Variants in NRIP1 observed in about 807,000 individuals in gnomAD.
NRIP1 encodes nuclear receptor-interacting protein 1.
NRIP1 carries 28 observed loss-of-function variants against 75.0 expected under a neutral mutation model. The observed-to-expected ratio is 0.37, with a 90% CI of 0.28 to 0.51. The LOEUF (loss-of-function observed/expected upper bound fraction) is 0.51. NRIP1 is among the 20% of genes least tolerant of loss of function. The pLI, the probability that NRIP1 is intolerant of heterozygous loss-of-function variation, is 0.92. For missense variants in NRIP1, 1,435 were observed against 1,343.7 expected, an observed-to-expected ratio of 1.07 and a Z score of -1.06; for synonymous variants, 526 against 487.6, an observed-to-expected ratio of 1.08 and a Z score of -1.04.
chr21:15,026,770 C>T (rs1288239336), intron 2 of NRIP1, among the ~76,000 whole-genome samples: 1 of 151,886 alleles, frequency 6.6e-6, no homozygotes, highest in African/African-American at 2.4e-5. Flanking sequence ...TGGAATATTG[C>T]CCAGGAGTGG....
At chr21:15,058,843 C>T (rs1419974125) in intron 1 of NRIP1, among the ~76,000 whole-genome samples, 1 of 152,172 alleles carries the variant, frequency 6.6e-6, no homozygotes, top group Non-Finnish European at 1.5e-5. Context: ...TATGTGACTA[C>T]AGCTAAGCTT....
chr21:15,065,278 A>G (rs1978789501), upstream of NRIP1, among the ~76,000 whole-genome samples: 1 of 151,510 alleles, frequency 6.6e-6, no homozygotes. Flanking sequence ...GGGCTGCAAG[A>G]CCCGGAGGCA....
rs2086666658 is a variant in NRIP1, at chr21:14,964,419, T to G, written c.*297A>C. 2 of 226,464 alleles carry G rather than the reference T, an allele frequency of 8.8e-6. No homozygotes were observed. The highest frequency in any genetic ancestry group is 4.6e-5 in the African/African-American group (2 of 43,932). 14.0% of individuals were successfully genotyped at this position (226,464 alleles called of 1,614,324 possible). On this transcript the variant is annotated 3_prime_UTR_variant, in exon 4 of 4. Transcript: ENST00000318948. ...ATCCACTATGAATGGAGTTTTACAT[T>G]TTAATTTATGCCTAATATTTATAAA...
intron 3 of NRIP1, among the ~76,000 whole-genome samples, chr21:14,974,497 A>G (rs1051996055): frequency 1.3e-5 from 2 of 152,186 alleles, no homozygotes; most frequent in Non-Finnish European, 2.9e-5. Flanking sequence ...CAATCCAATG[A>G]ATTACTTCAT....
Position 14,967,464 on chromosome 21 carries a change from A to T in NRIP1, c.729T>A (p.Val243=). ...TAGCCCTTTTTTCCACCATGCTTGC[A>T]ACAGCCTGTAATCTTGCAGCACATG... is the stretch of plus-strand genomic sequence containing the variant. The part of the protein sequence containing the change: ...PLSCAARLQA[V]ASMVEKRASP... The change falls in exon 4 of 4, where the codon GTT becomes GTA. Residue 243 remains valine, a synonymous_variant. Coordinates refer to ENST00000318948, the MANE Select transcript of NRIP1 (RefSeq NM_003489.4). 6.2e-7 allele frequency: 1 copy of T among 1,614,112 alleles called. No homozygotes were observed. Among genetic ancestry groups the T allele is most frequent in the South Asian group, 1.1e-5 (1 of 91,074 alleles).
At chr21:14,974,925 T>TG (rs1331393018) in intron 3 of NRIP1, among the ~76,000 whole-genome samples, 2 of 151,750 alleles carry the variant, frequency 1.3e-5, no homozygotes, top group East Asian at 3.9e-4. Flanking sequence ...CTGGGCAACA[T>TG]GGCGAGACCC....
At chr21:14,978,743 G>A (rs1404507852) in intron 3 of NRIP1, among the ~76,000 whole-genome samples, 2 of 151,986 alleles carry the variant, frequency 1.3e-5, no homozygotes, top group African/African-American at 2.4e-5. Context: ...CAATAAATTT[G>A]CTATTCATTT....
At chr21:15,062,889 A>G (rs1377967295) in intron 1 of NRIP1, among the ~76,000 whole-genome samples, 1 of 152,214 alleles carries the variant, frequency 6.6e-6, no homozygotes, top group East Asian at 1.9e-4. Context: ...AATTAGCAAA[A>G]TCCAAGTTCT....
At chr21:15,025,456 T>C (rs1262467174) in intron 2 of NRIP1, among the ~76,000 whole-genome samples, 1 of 152,096 alleles carries the variant, frequency 6.6e-6, no homozygotes, top group Admixed American at 6.5e-5. Context: ...AGTAACGGAT[T>C]ACAGCTCACT....
intron 2 of NRIP1, among the ~76,000 whole-genome samples, chr21:15,016,569 C>A (rs1000416929): frequency 6.6e-6 from 1 of 152,020 alleles, no homozygotes. Context: ...AAAGTTGGAA[C>A]AAGAAAGTAC....
intron 3 of NRIP1, among the ~76,000 whole-genome samples, chr21:14,977,247 A>G (rs542988608): frequency 2.4e-4 from 36 of 152,352 alleles, no homozygotes; most frequent in Non-Finnish European, 3.8e-4. Flanking sequence ...AGAAGATTCC[A>G]AAGTCCTAAT....
intron 1 of NRIP1, among the ~76,000 whole-genome samples, chr21:15,044,187 C>A (rs17000885): frequency 0.016 from 2,482 of 151,642 alleles, 75 homozygotes; most frequent in African/African-American, 0.057. Flanking sequence ...AAGTTAATGT[C>A]AAAGATAAAG....
At chr21:15,049,752 A>T (rs771987964) in intron 1 of NRIP1, among the ~76,000 whole-genome samples, 6 of 152,088 alleles carry the variant, frequency 3.9e-5, no homozygotes, top group Non-Finnish European at 7.4e-5. Flanking sequence ...TGCAACTTAC[A>T]AATGATTTAA....
At chr21:15,022,783 T>C (rs1215672531) in intron 2 of NRIP1, among the ~76,000 whole-genome samples, 2 of 152,200 alleles carry the variant, frequency 1.3e-5, no homozygotes, top group African/African-American at 4.8e-5. Flanking sequence ...AGTTACGACG[T>C]GACCCAGGAA....
rs2086622877 is a variant in NRIP1 at position 14,962,669 on chromosome 21, C to T, written c.*2047G>A. The T allele has an allele frequency of 6.6e-6, 1 of 152,430 alleles. No individual in the cohort carries two copies. Among genetic ancestry groups the T allele is most frequent in the African/African-American group, 2.4e-5 (1 of 41,420 alleles). 9.4% of individuals were successfully genotyped at this position (152,430 alleles called of 1,614,324 possible). A position where few individuals can be genotyped will look rare whatever the true frequency, so the allele number is the denominator to read the frequency against. ...GTATGGACATGGAATAGAATATATT[C>T]AACTGGCCAGTGGAATTTTATGTCA... is the stretch of plus-strand genomic sequence containing the variant. On this transcript the variant is annotated 3_prime_UTR_variant, in exon 4 of 4. Coordinates refer to ENST00000318948, the MANE Select transcript of NRIP1 (RefSeq NM_003489.4).
intron 1 of NRIP1, among the ~76,000 whole-genome samples, chr21:15,064,446 G>C (rs1297625332): frequency 3.3e-5 from 5 of 152,052 alleles, no homozygotes; most frequent in Non-Finnish European, 7.4e-5. Flanking sequence ...CCCCGAGTCC[G>C]GCCCCGCTCA....
rs1261311817 is a variant in NRIP1, at chr21:14,977,313, T to TG, written c.-334-8788dup. Among the ~76,000 whole-genome samples the TG allele has an allele frequency of 7.2e-5, 11 of 152,328 alleles. 1 individual carries two copies. The South Asian group carries it at 1.2e-3, about 17-fold the overall frequency. On this transcript the variant is annotated intron_variant, in intron 3 of 3. Transcript: ENST00000318948. ...ATCCAGGTATTCGGAGAACTCTCGT[T>TG]GTTCTCCAAAGCAGGGCTTTGAAAG...
At chr21:15,007,137 C>T (rs1321215260) in intron 3 of NRIP1, among the ~76,000 whole-genome samples, 4 of 152,090 alleles carry the variant, frequency 2.6e-5, no homozygotes, top group East Asian at 3.9e-4. Context: ...CAAGGCCATG[C>T]CAAGAAGCTG....
chr21:14,971,168 T>A (rs2086893895), intron 3 of NRIP1, among the ~76,000 whole-genome samples: 1 of 152,184 alleles, frequency 6.6e-6, no homozygotes, highest in African/African-American at 2.4e-5. Flanking sequence ...TTTATTAAGC[T>A]CCTTGGGTCT....
Sources: allele counts gnomAD v4.1 joint callset (sites outside exome capture counted in the v4.1 genomes callset), GRCh38; gene constraint gnomAD v4.1.1; transcripts MANE v1.5; gene names NCBI Gene and HGNC (gene_info 2026-07-23, HGNC 2026-07-21).